The following ITIH1 variants were observed in gnomAD, a reference collection of about 807,000 sequenced individuals.
ITIH1 encodes inter-alpha-trypsin inhibitor heavy chain 1.
A neutral mutation model predicts 104.6 loss-of-function variants in ITIH1; 94 were observed. That is an observed-to-expected ratio of 0.90 (90% CI 0.76 to 1.07). The LOEUF (loss-of-function observed/expected upper bound fraction) is 1.07. ITIH1 is among the 50% of genes least tolerant of loss of function. The pLI, the probability that ITIH1 is intolerant of heterozygous loss-of-function variation, is 0.00. For synonymous variants in ITIH1, 455 were observed against 464.4 expected, an observed-to-expected ratio of 0.98 and a Z score of 0.26; for missense variants, 1,193 against 1,181.4, an observed-to-expected ratio of 1.01 and a Z score of -0.14.
chr3:52,777,784 C>T lies in ITIH1; in HGVS notation c.117+52C>T, dbSNP rs780881365. The T allele has an allele frequency of 1.4e-5, 21 of 1,493,990 alleles. No homozygotes were observed. The East Asian group carries it at 1.8e-4, about 13-fold the overall frequency. The allele number at this position is 1,493,990 out of a possible 1,614,324, so 92.5% of individuals were successfully genotyped here. ...AATAGGCAGCTGAACCTGGATGAGG[C>T]CCCGGGCGGGACACAAGACCCCCAT... On this transcript the variant is annotated intron_variant, in intron 1 of 21. Coordinates refer to ENST00000273283, the MANE Select transcript of ITIH1 (RefSeq NM_002215.4).
At chr3:52,787,649 C>T (rs760969817) in intron 16 of ITIH1, 37 bp downstream of exon 16, 2 of 1,609,346 alleles carry the variant, frequency 1.2e-6, no homozygotes, top group East Asian at 2.2e-5. Context: ...ACATCTCTAC[C>T]CCTCCTTGAT....
intron 15 of ITIH1, 98 bp from the exon 16 acceptor site, chr3:52,787,494 C>T (rs1049758479): frequency 8.3e-6 from 12 of 1,444,788 alleles, no homozygotes; most frequent in South Asian, 2.3e-5. Flanking sequence ...CCCAGAGGGA[C>T]GGCTGGGCCC....
At chr3:52,780,506 A>G in intron 6 of ITIH1, 124 bp downstream of exon 6, 2 of 651,784 alleles carry the variant, frequency 3.1e-6, no homozygotes, top group Non-Finnish European at 5.4e-6. Context: ...CCTCAGGATG[A>G]GAGAAGCTGG....
intron 12 of ITIH1, among the ~76,000 whole-genome samples, chr3:52,785,817 A>G (rs1476541650): frequency 6.6e-6 from 1 of 152,228 alleles, no homozygotes; most frequent in Non-Finnish European, 1.5e-5. Flanking sequence ...TCTGTACCAT[A>G]CTGCATCAGA....
chr3:52,784,672 C>A (rs1465424503), intron 11 of ITIH1, among the ~76,000 whole-genome samples, 195 bp downstream of exon 11: 1 of 152,082 alleles, frequency 6.6e-6, no homozygotes, highest in Non-Finnish European at 1.5e-5. Flanking sequence ...ATCGGGAGTT[C>A]GAGACCAGCC....
At chr3:52,777,847 T>A in intron 1 of ITIH1, 115 bp downstream of exon 1, 3 of 1,337,348 alleles carry the variant, frequency 2.2e-6, no homozygotes, top group Non-Finnish European at 3.2e-6. Context: ...CTCCACCACT[T>A]CTGAGTGGAG....
Position 52,779,525 on chromosome 3 carries a change from G to A in ITIH1, c.504G>A (p.Leu168=). 1 of 1,614,242 alleles carries A rather than the reference G, an allele frequency of 6.2e-7. No homozygotes were observed. Residue 168 remains leucine (L), a synonymous_variant, in exon 5 of 22, where the codon CTG becomes CTA. Transcript: ENST00000273283. This position sits in a 1 kb window ranked among gnomAD's most constrained non-coding sequence, Gnocchi z 4.4. ...TTCAGCTGACTTATGAGGAAGTGCT[G>A]AAGAGAAACCATATGCAGTATGAAA... ...VTFQLTYEEV[L]KRNHMQYEIV...
chr3:52,791,859 C>A lies in ITIH1; in HGVS notation c.2684C>A (p.Ala895Asp). The stretch of plus-strand genomic sequence containing the variant: ...TGCTGGTTCATTCACAACAATGGGG[C>A]TGGACTCATCGATGGTGCCTACACT... ...VSCWFIHNNG[A>D]GLIDGAYTDY... Residue 895 changes from alanine to aspartate, a missense_variant, in exon 22 of 22, where the codon GCT becomes GAT. Physicochemically the swap from Ala to Asp is moderately radical, Grantham distance 126. Coordinates refer to ENST00000273283, the MANE Select transcript of ITIH1 (RefSeq NM_002215.4). 6.2e-7 allele frequency: 1 copy of A among 1,614,202 alleles called. No homozygotes were observed. The highest frequency in any genetic ancestry group is 8.5e-7 in the Non-Finnish European group (1 of 1,180,024).
chr3:52,781,208 T>TTTTTCTTC (rs1699033303), intron 6 of ITIH1, among the ~76,000 whole-genome samples: 11 of 49,986 alleles, frequency 2.2e-4, no homozygotes, highest in African/African-American at 4.6e-4. Flanking sequence ...TTTTTTTTTT[T>TTTTTCTTC]TTCTTCTTCT....
At chr3:52,778,591 A>AT in intron 3 of ITIH1, 85 bp downstream of exon 3, 7 of 1,578,494 alleles carry the variant, frequency 4.4e-6, no homozygotes, top group Non-Finnish European at 6.0e-6. Context: ...GAGTGGCCAG[A>AT]TAACGCAGAG....
Position 52,784,351 on chromosome 3 carries a change from G to C in ITIH1, c.1281G>C (p.Arg427Ser). Residue 427 changes from arginine (R) to serine (S), a missense_variant, in exon 11 of 22, where the codon AGG becomes AGC. Coordinates refer to ENST00000273283, the MANE Select transcript of ITIH1 (RefSeq NM_002215.4). The part of the protein sequence containing the change: ...LKNVRNAIRG[R>S]FPLYNLGFGH... Reference sequence around the variant, plus strand: ...ACGTCCGCAACGCCATCCGGGGCAGGTTCCCGCTCTACAACCTGGGTTTCG... The same window carrying C: ...ACGTCCGCAACGCCATCCGGGGCAGCTTCCCGCTCTACAACCTGGGTTTCG... The C allele has an allele frequency of 6.2e-7, 1 of 1,614,158 alleles. No homozygotes were observed. Among genetic ancestry groups the C allele is most frequent in the Non-Finnish European group, 8.5e-7 (1 of 1,180,004 alleles).
intron 10 of ITIH1, among the ~76,000 whole-genome samples, chr3:52,783,661 AAGGGGCTAGGGACTGAAATAC>A (rs1699122861): frequency 3.3e-5 from 5 of 152,284 alleles, no homozygotes; most frequent in Middle Eastern, 3.4e-3. Flanking sequence ...TATGCTAAGC[AAGGGGCTAGGGACTGAAATAC>A]CAAGGGAACA....
rs761089193 is a variant in ITIH1 at position 52,788,261 on chromosome 3, G to A, written c.2035G>A (p.Val679Met). ...CACAGACCCTCACTTCATCATCCAC[G>A]TGCCCCAGAAAGAGGACACCCTGTG... The part of the protein sequence containing the change: ...VDTDPHFIIH[V>M]PQKEDTLCFN... The change falls in exon 18 of 22, where the codon GTG (valine) becomes ATG (methionine). Residue 679 changes from valine to methionine, a missense_variant. Coordinates refer to ENST00000273283, the MANE Select transcript of ITIH1 (RefSeq NM_002215.4). 3.9e-5 allele frequency: 63 copies of A among 1,611,842 alleles called. No individual in the cohort carries two copies. Among genetic ancestry groups the A allele is most frequent in the South Asian group, 9.9e-5 (9 of 90,480 alleles).
At chr3:52,778,091 G>T (rs1005825917) in intron 2 of ITIH1, 74 bp downstream of exon 2, 21 of 1,540,506 alleles carry the variant, frequency 1.4e-5, no homozygotes, top group Non-Finnish European at 1.8e-5. Flanking sequence ...ACCTGTCAGG[G>T]GTGGACCCCT....
chr3:52,780,179 G>A, intron 5 of ITIH1, 90 bp from the exon 6 acceptor site: 6 of 1,101,608 alleles, frequency 5.4e-6, no homozygotes, highest in South Asian at 3.0e-5. Flanking sequence ...GCAGGAGGAC[G>A]GCTTGAGCCC....
chr3:52,781,197 CTTTT>C (rs10526848), intron 6 of ITIH1, among the ~76,000 whole-genome samples: 7,100 of 68,720 alleles, frequency 0.1, 677 homozygotes, highest in East Asian at 0.15. Context: ...TCCTCCTCTT[CTTTT>C]TTTTTTTTTC....
At chr3:52,789,617 C>T in intron 18 of ITIH1, 36 bp from the exon 19 acceptor site, 5 of 1,596,872 alleles carry the variant, frequency 3.1e-6, no homozygotes, top group Non-Finnish European at 3.4e-6. Flanking sequence ...CAGGCAGGCC[C>T]CTTCCCAACC....
Position 52,778,326 on chromosome 3 carries a change from A to T in ITIH1, c.139-14A>T, listed in dbSNP as rs944960031. On this transcript the variant is annotated splice_polypyrimidine_tract_variant and intron_variant, in intron 2 of 21. Transcript: ENST00000273283. The stretch of plus-strand genomic sequence containing the variant: ...CCCTGTCTCAGGCCACAGCTCCTTC[A>T]TGTCTCACTTTAGGCTGTCGATGGC... 2.5e-6 allele frequency: 4 copies of T among 1,613,758 alleles called. No homozygotes were observed. Among genetic ancestry groups the T allele is most frequent in the Non-Finnish European group, 3.4e-6 (4 of 1,179,786 alleles).
intron 6 of ITIH1, among the ~76,000 whole-genome samples, chr3:52,781,369 C>T (rs1241738066): frequency 6.6e-6 from 1 of 151,580 alleles, no homozygotes; most frequent in Non-Finnish European, 1.5e-5. Context: ...TTTTCTGCTG[C>T]TTCTTCTTCC....
Sources: gnomAD v4.1 joint callset for allele counts (sites outside exome capture counted in the v4.1 genomes callset) on GRCh38, gnomAD v4.1.1 for gene constraint, Gnocchi (gnomAD v3.1) non-coding constraint, MANE v1.5 for transcripts, NCBI Gene and HGNC (gene_info 2026-07-23, HGNC 2026-07-21) for gene names.